Variants in CFAP44 observed in about 807,000 individuals in gnomAD.
The protein encoded by CFAP44 is cilia and flagella associated protein 44, also known as cilia- and flagella-associated protein 44.
In CFAP44, 134 loss-of-function variants were observed where a neutral mutation model predicts 216.2. That is an observed-to-expected ratio of 0.62 (90% confidence interval 0.54 to 0.72). The LOEUF is 0.72. Among genes scored for constraint, CFAP44 ranks in the 30% least tolerant of loss-of-function variants. CFAP44 has a pLI of 0.00. For missense variants in CFAP44, 2,035 were observed against 2,182.1 expected, an observed-to-expected ratio of 0.93 and a Z score of 1.34; for synonymous variants, 700 against 727.6, an observed-to-expected ratio of 0.96 and a Z score of 0.61.
At chr3:113,314,671 T>C (rs1003785234) in intron 28 of CFAP44, among the ~76,000 whole-genome samples, 3 of 152,316 alleles carry the variant, frequency 2.0e-5, no homozygotes, top group African/African-American at 7.2e-5. Context: ...GTTTGATGAC[T>C]GAAGCAAAAA....
At chr3:113,307,704 TCACGCCTGTAATCCTAG>T (rs1028492006) in intron 29 of CFAP44, among the ~76,000 whole-genome samples, 1 of 152,220 alleles carries the variant, frequency 6.6e-6, no homozygotes, top group African/African-American at 2.4e-5. Context: ...GCACGATGGC[TCACGCCTGTAATCCTAG>T]CACTTTGGGA....
chr3:113,304,349 G>A, intron 31 of CFAP44: 1 of 530,838 alleles, frequency 1.9e-6, no homozygotes, highest in Non-Finnish European at 3.3e-6. Flanking sequence ...CACAGATCAT[G>A]CCTATTATCT....
chr3:113,310,548 C>T (rs938048057), intron 28 of CFAP44, among the ~76,000 whole-genome samples: 4 of 152,172 alleles, frequency 2.6e-5, no homozygotes, highest in African/African-American at 9.7e-5. Context: ...GATACAAAGT[C>T]TCATAATACA....
intron 28 of CFAP44, among the ~76,000 whole-genome samples, chr3:113,314,613 T>C (rs1013150933): frequency 3.3e-5 from 5 of 152,090 alleles, no homozygotes; most frequent in Admixed American, 3.3e-4. Flanking sequence ...AGCAAAAATA[T>C]GGGTAAATAC....
At position 113,366,138 on chromosome 3, in the gene CFAP44, G is replaced by C; in HGVS notation, c.2616C>G (p.Phe872Leu). ...TGCCATCTGCTCCAGCAGTCACCAA[G>C]AAACGATCATCAAAGCTATTAGCAA... ...KSIANSFDDR[F>L]LVTAGADGNI... The change falls in exon 19 of 35, where the codon TTC becomes TTG. Residue 872 changes from phenylalanine (F) to leucine (L), a missense_variant. Around this residue, in one of 3 missense-constraint regions of CFAP44, gnomAD observed 1,883 missense variants for 2,023.7 expected, o/e 0.93. Coordinates refer to ENST00000393845, the MANE Select transcript of CFAP44 (RefSeq NM_001164496.2). 1 of 1,613,944 alleles carries C rather than the reference G, an allele frequency of 6.2e-7. No individual in the cohort carries two copies. The highest frequency in any genetic ancestry group is 8.5e-7 in the Non-Finnish European group (1 of 1,179,980).
chr3:113,317,814 C>A (rs1009039877), intron 28 of CFAP44, among the ~76,000 whole-genome samples: 1 of 152,184 alleles, frequency 6.6e-6, no homozygotes, highest in Non-Finnish European at 1.5e-5. Context: ...TTGCATATCT[C>A]CCTGCTACAG....
At position 113,403,713 on chromosome 3, in the gene CFAP44, T is replaced by C. The variant is rs540509475; in HGVS notation, c.1170+139A>G. The stretch of plus-strand genomic sequence containing the variant: ...GCAAATATTTACCACAAGAGAAGCA[T>C]TATTTAAAGTGAGTTGGCCTTGGGA... On this transcript the variant is annotated intron_variant, in intron 9 of 34. Coordinates refer to ENST00000393845, the MANE Select transcript of CFAP44 (RefSeq NM_001164496.2). 25 of 892,292 alleles carry C rather than the reference T, an allele frequency of 2.8e-5. No homozygotes were observed. The South Asian group carries it at 7.0e-4, about 25-fold the overall frequency. The allele number at this position is 892,292 out of a possible 1,614,324, so 55.3% of individuals were successfully genotyped here.
At chr3:113,342,480 G>A (rs1301201596) in intron 23 of CFAP44, among the ~76,000 whole-genome samples, 6 of 152,162 alleles carry the variant, frequency 3.9e-5, no homozygotes, top group African/African-American at 1.4e-4. Context: ...AAGTTGGCAA[G>A]ATAAGATATA....
intron 26 of CFAP44, among the ~76,000 whole-genome samples, chr3:113,329,889 G>T (rs900136541): frequency 6.6e-6 from 1 of 152,060 alleles, no homozygotes. Flanking sequence ...ACTTCAGTTA[G>T]ATGCCAAGTA....
At chr3:113,308,395 T>C in intron 28 of CFAP44, 127 bp from the exon 29 acceptor site, 1 of 738,148 alleles carries the variant, frequency 1.4e-6, no homozygotes, top group Non-Finnish European at 2.1e-6. Flanking sequence ...GAGTTTAAAA[T>C]GGTTAAGGAC....
At chr3:113,418,951 G>A (rs1384530777) in intron 5 of CFAP44, among the ~76,000 whole-genome samples, 11 of 152,006 alleles carry the variant, frequency 7.2e-5, no homozygotes, top group Admixed American at 6.6e-4. Context: ...TGATCCACCC[G>A]CCTCAGCCTC....
chr3:113,391,546 T>C (rs1487619730), intron 15 of CFAP44, among the ~76,000 whole-genome samples: 1 of 152,128 alleles, frequency 6.6e-6, no homozygotes, highest in Non-Finnish European at 1.5e-5. Context: ...ATCAATAAAG[T>C]GAAGAGAATT....
At chr3:113,362,228 G>A (rs578072184) in intron 21 of CFAP44, among the ~76,000 whole-genome samples, 7 of 152,104 alleles carry the variant, frequency 4.6e-5, no homozygotes, top group South Asian at 2.1e-4. Context: ...ACAGTGTACC[G>A]GAGTGCTCTG....
At position 113,369,790 on chromosome 3, in the gene CFAP44, C is replaced by G. The variant is rs990229938; in HGVS notation, c.2445-3481G>C. Reference sequence around the variant, plus strand: ...TTCAAAAAATCAATGAATCCAGGAGCTGGTTTTCTGAAACAATCAAGAGAA... The same window carrying G: ...TTCAAAAAATCAATGAATCCAGGAGGTGGTTTTCTGAAACAATCAAGAGAA... On this transcript the variant is annotated intron_variant, in intron 18 of 34. Coordinates refer to ENST00000393845, the MANE Select transcript of CFAP44 (RefSeq NM_001164496.2). Among the ~76,000 whole-genome samples the G allele has an allele frequency of 7.2e-5, 11 of 152,168 alleles. No homozygotes were observed. The South Asian group carries it at 2.3e-3, about 32-fold the overall frequency.
In CFAP44 at chr3:113,400,549, C is replaced by T. The variant is rs749174550; in HGVS notation, c.1470G>A (p.Leu490=). 6.3e-6 allele frequency: 10 copies of T among 1,598,290 alleles called. No individual in the cohort carries two copies. Among genetic ancestry groups the T allele is most frequent in the Non-Finnish European group, 8.5e-6 (10 of 1,173,308 alleles). ...PLTYLMATTA[L]DCSVRIYDFA... is the part of the protein sequence containing the mutation. Reference sequence around the variant, plus strand: ...TTATTAAGAGTTCCTACTTACAGTCCAAGGCAGTTGTGGCCATGAGATAAG... The same window carrying T: ...TTATTAAGAGTTCCTACTTACAGTCTAAGGCAGTTGTGGCCATGAGATAAG... Residue 490 remains leucine, a synonymous_variant, in exon 12 of 35, where the codon TTG becomes TTA. Transcript: ENST00000393845.
In CFAP44 at chr3:113,433,566, T is replaced by A; in HGVS notation, c.99A>T (p.Arg33Ser). The A allele has an allele frequency of 6.2e-7, 1 of 1,600,034 alleles. No homozygotes were observed. ...KSLRSSKSES[R>S]SPVQEDNTFL... ...AGTATACATATTATCTTTACTTACA[T>A]CTTGATTCTGATTTAGAAGACCTCA... Residue 33 changes from arginine to serine, a missense_variant and splice_region_variant, in exon 2 of 35, where the codon AGA becomes AGT. Physicochemically the swap from Arg to Ser is moderately radical, Grantham distance 110. Around this residue, in one of 3 missense-constraint regions of CFAP44, gnomAD observed 149 missense variants for 141.8 expected, o/e 1.05. Transcript: ENST00000393845.
At chr3:113,413,278 C>G (rs536168435) in intron 6 of CFAP44, among the ~76,000 whole-genome samples, 1 of 152,148 alleles carries the variant, frequency 6.6e-6, no homozygotes, top group East Asian at 1.9e-4. Flanking sequence ...AGACCTTTGT[C>G]AGATGGGTAG....
chr3:113,358,713 A>C lies in CFAP44; in HGVS notation c.3065+32T>G, dbSNP rs745683727. On this transcript the variant is annotated intron_variant, in intron 22 of 34. Transcript: ENST00000393845. The stretch of plus-strand genomic sequence containing the variant: ...ATGTTATTCACACATGTGCTCTCAA[A>C]CATCTTAGCTTGTAGAGAATATGGA... The C allele has an allele frequency of 3.3e-6, 5 of 1,534,796 alleles. 1 individual carries two copies. In the South Asian group the frequency reaches 6.0e-5, roughly 18 times the overall value.
intron 18 of CFAP44, among the ~76,000 whole-genome samples, chr3:113,369,245 T>C (rs565821039): frequency 3.3e-4 from 50 of 152,332 alleles, no homozygotes; most frequent in African/African-American, 1.2e-3. Flanking sequence ...AATAGACATC[T>C]ATAGAACTCT....
Sources: gnomAD v4.1 joint callset for allele counts (sites outside exome capture counted in the v4.1 genomes callset) on GRCh38, gnomAD v4.1.1 for gene constraint, gnomAD v4.1.1 regional missense constraint, MANE v1.5 for transcripts, NCBI Gene and HGNC (gene_info 2026-07-23, HGNC 2026-07-21) for gene names.